NKAIN3: variants seen among roughly 807,000 people sequenced by gnomAD.
NKAIN3 encodes sodium/potassium transporting ATPase interacting 3, also known as sodium/potassium-transporting ATPase subunit beta-1-interacting protein 3.
A neutral mutation model predicts 30.2 loss-of-function variants in NKAIN3; 25 were observed. The ratio of observed to expected loss-of-function variants is 0.83; its 90% CI spans 0.60 to 1.16. The LOEUF (loss-of-function observed/expected upper bound fraction) is 1.16. NKAIN3 is among the 50% of genes most tolerant of loss of function. The pLI is 0.00. For synonymous variants in NKAIN3, 91 were observed against 89.6 expected (o/e 1.02, Z -0.09); for missense variants, 225 against 254.1 (o/e 0.89, Z 0.78).
intron 5 of NKAIN3, among the ~76,000 whole-genome samples, chr8:62,945,507 G>C (rs568625405): frequency 2.0e-5 from 3 of 152,144 alleles, no homozygotes; most frequent in Admixed American, 6.5e-5. Flanking sequence ...CCAAGTTAAG[G>C]TTCCAGATGG....
intron 1 of NKAIN3, among the ~76,000 whole-genome samples, chr8:62,329,462 CA>C (rs1294343767): frequency 2.0e-5 from 3 of 152,214 alleles, no homozygotes; most frequent in African/African-American, 7.2e-5. Flanking sequence ...GAATCGTACC[CA>C]ACAGGAGTTT....
At chr8:62,577,870 C>A (rs1810166091) in intron 1 of NKAIN3, among the ~76,000 whole-genome samples, 1 of 151,956 alleles carries the variant, frequency 6.6e-6, no homozygotes, top group Non-Finnish European at 1.5e-5. Context: ...TTGTGGTTTT[C>A]TTTAGGCTTC....
chr8:62,249,773 T>C (rs917714317), intron 1 of NKAIN3, among the ~76,000 whole-genome samples: 1 of 152,198 alleles, frequency 6.6e-6, no homozygotes, highest in Admixed American at 6.5e-5. Context: ...CTGACAGCTG[T>C]CATCAAGGAG....
chr8:62,904,984 G>C (rs550922429), intron 4 of NKAIN3, among the ~76,000 whole-genome samples: 1 of 152,134 alleles, frequency 6.6e-6, no homozygotes, highest in Non-Finnish European at 1.5e-5. Context: ...CAGGTCTCTC[G>C]GAGGGTAGTT....
At chr8:62,652,373 A>G (rs565684004) in intron 3 of NKAIN3, among the ~76,000 whole-genome samples, 7 of 152,344 alleles carry the variant, frequency 4.6e-5, no homozygotes, top group Admixed American at 2.0e-4. Flanking sequence ...AGACCAATTA[A>G]TAAACTATGC....
At chr8:62,697,784 A>G (rs1028864693) in intron 3 of NKAIN3, among the ~76,000 whole-genome samples, 27 of 152,234 alleles carry the variant, frequency 1.8e-4, no homozygotes, top group African/African-American at 6.0e-4. Flanking sequence ...ACAAGTGACT[A>G]GTAGGTAGCT....
At chr8:62,334,316 T>C (rs1815458339) in intron 1 of NKAIN3, among the ~76,000 whole-genome samples, 1 of 152,098 alleles carries the variant, frequency 6.6e-6, no homozygotes, top group Admixed American at 6.6e-5. Flanking sequence ...GATTCCTTCT[T>C]TGTTTCTGGT....
intron 1 of NKAIN3, among the ~76,000 whole-genome samples, chr8:62,451,395 GT>G (rs1805637849): frequency 6.8e-6 from 1 of 147,536 alleles, no homozygotes; most frequent in Non-Finnish European, 1.5e-5. Flanking sequence ...TGCAAAGTCT[GT>G]GAATTCAGAT....
In NKAIN3 at chr8:62,974,788, G is replaced by T. The variant is rs897471718; in HGVS notation, c.*9381G>T. On this transcript the variant is annotated 3_prime_UTR_variant, in exon 7 of 7. Coordinates refer to ENST00000623646, the MANE Select transcript of NKAIN3 (RefSeq NM_001304533.3). ...GTTTTTGCCCATTCAGTGTGATATT[G>T]GCTGTGGGTTTGTCATAACAGCTCT... Among the ~76,000 whole-genome samples the T allele has an allele frequency of 6.6e-6, 1 of 152,102 alleles. No individual in the cohort carries two copies. The highest frequency in any genetic ancestry group is 2.4e-5 in the African/African-American group (1 of 41,410).
intron 4 of NKAIN3, among the ~76,000 whole-genome samples, chr8:62,776,264 G>A (rs552986679): frequency 1.3e-5 from 2 of 151,982 alleles, no homozygotes; most frequent in African/African-American, 2.4e-5. Flanking sequence ...GGATAATTTA[G>A]TCTATTTACA....
intron 1 of NKAIN3, among the ~76,000 whole-genome samples, chr8:62,568,766 A>C (rs1809832782): frequency 6.6e-6 from 1 of 152,164 alleles, no homozygotes; most frequent in African/African-American, 2.4e-5. Flanking sequence ...TTATTATTGA[A>C]TTTTAAGGAT....
At chr8:62,878,398 A>G (rs1022930565) in intron 4 of NKAIN3, among the ~76,000 whole-genome samples, 2 of 152,148 alleles carry the variant, frequency 1.3e-5, no homozygotes, top group African/African-American at 4.8e-5. Flanking sequence ...GTCTTGCTGG[A>G]GGCCACTGGC....
chr8:62,985,832 A>G (rs1824189600), downstream of NKAIN3, among the ~76,000 whole-genome samples: 1 of 152,130 alleles, frequency 6.6e-6, no homozygotes, highest in Admixed American at 6.5e-5. Flanking sequence ...TAGTTCTACA[A>G]CTTTATTTAA....
intron 3 of NKAIN3, among the ~76,000 whole-genome samples, chr8:62,611,873 C>T (rs189087407): frequency 6.6e-6 from 1 of 152,098 alleles, no homozygotes; most frequent in Non-Finnish European, 1.5e-5. Flanking sequence ...AAATTGTTCT[C>T]CATAATGGTT....
At chr8:62,482,822 C>G (rs1410087864) in intron 1 of NKAIN3, 1 of 152,194 alleles carries the variant, frequency 6.6e-6, no homozygotes, top group Admixed American at 6.5e-5. Context: ...GTAATATTAG[C>G]AGGAATTTTA....
At chr8:62,817,351 A>G (rs1281997309) in intron 4 of NKAIN3, among the ~76,000 whole-genome samples, 1 of 152,136 alleles carries the variant, frequency 6.6e-6, no homozygotes. Context: ...AGAGCTTCAT[A>G]TTGTGAACTT....
intron 4 of NKAIN3, among the ~76,000 whole-genome samples, chr8:62,773,119 A>G (rs1817076869): frequency 6.6e-6 from 1 of 152,082 alleles, no homozygotes; most frequent in Non-Finnish European, 1.5e-5. Context: ...TTTACTGTGC[A>G]GAGCTTTGCC....
At chr8:62,695,561 A>C in intron 3 of NKAIN3, among the ~76,000 whole-genome samples, 1 of 152,238 alleles carries the variant, frequency 6.6e-6, no homozygotes. Flanking sequence ...TTGAAAGGGC[A>C]GAAGGAGTAA....
intron 1 of NKAIN3, among the ~76,000 whole-genome samples, chr8:62,249,966 A>G (rs1003499661): frequency 6.6e-6 from 1 of 152,230 alleles, no homozygotes; most frequent in Non-Finnish European, 1.5e-5. Context: ...TCAAGGCCAC[A>G]GACCTTTTGA....
Sources: allele counts gnomAD v4.1 joint callset (sites outside exome capture counted in the v4.1 genomes callset), GRCh38; gene constraint gnomAD v4.1.1; transcripts MANE v1.5; gene names NCBI Gene and HGNC (gene_info 2026-07-23, HGNC 2026-07-21).